Variants in PXK observed in about 807,000 individuals in gnomAD.
The protein encoded by PXK is PX domain-containing protein kinase-like protein.
Under a neutral mutation model 84.7 loss-of-function variants are expected in PXK, and 35 were observed. The ratio of observed to expected loss-of-function variants is 0.41; its 90% confidence interval spans 0.32 to 0.55. The LOEUF (loss-of-function observed/expected upper bound fraction) is 0.55. PXK is among the 20% of genes least tolerant of loss of function. The probability of loss-of-function intolerance (pLI) is 0.21; values close to 1 mark genes in which losing one functional copy is unlikely to be tolerated. For missense variants in PXK, 634 were observed against 699.7 expected (o/e 0.91, Z 1.06); for synonymous variants, 253 against 260.8 (o/e 0.97, Z 0.29).
Position 58,420,621 on chromosome 3 carries a change from T to G in PXK, c.1529-4131T>G, listed in dbSNP as rs2061685515. The G allele has an allele frequency of 3.9e-6, 6 of 1,535,548 alleles. No homozygotes were observed. The South Asian group carries it at 7.1e-5, about 18-fold the overall frequency. ...ACTTTAAAGATGCTCTGTTTCTGTG[T>G]GTGAAATAGGACCCAAAGTGTCTCG... On this transcript the variant is annotated intron_variant, in intron 17 of 17. Coordinates refer to ENST00000356151, the MANE Select transcript of PXK (RefSeq NM_017771.5).
intron 8 of PXK, 82 bp from the exon 9 acceptor site, chr3:58,395,576 G>A: frequency 1.8e-6 from 2 of 1,106,020 alleles, no homozygotes; most frequent in Non-Finnish European, 2.7e-6. Context: ...AGCCTCTGTA[G>A]AATCCTGCCT....
intron 17 of PXK, among the ~76,000 whole-genome samples, chr3:58,418,469 G>T (rs2061328087): frequency 6.6e-6 from 1 of 152,094 alleles, no homozygotes; most frequent in Non-Finnish European, 1.5e-5. Flanking sequence ...CTTTCTTCAG[G>T]GTGCGCTGCA....
At chr3:58,359,209 C>T (rs2098138868) in intron 1 of PXK, among the ~76,000 whole-genome samples, 1 of 152,134 alleles carries the variant, frequency 6.6e-6, no homozygotes, top group South Asian at 2.1e-4. Context: ...AAGTGCCCAA[C>T]ATTGAGCTGG....
chr3:58,332,977 G>T lies in PXK; in HGVS notation c.-12G>T. 1 of 1,354,706 alleles carries T rather than the reference G, an allele frequency of 7.4e-7. No homozygotes were observed. Among genetic ancestry groups the T allele is most frequent in the Non-Finnish European group, 9.6e-7 (1 of 1,040,530 alleles). The allele number at this position is 1,354,706 out of a possible 1,614,324, so 83.9% of individuals were successfully genotyped here. ...CTCGCGTCCCTAGGCGGCGGCGGCC[G>T]GGCGTCCCGGGATGGCCTTCATGGA... On this transcript the variant is annotated 5_prime_UTR_variant, in exon 1 of 18. Coordinates refer to ENST00000356151, the MANE Select transcript of PXK (RefSeq NM_017771.5). The surrounding 1 kb of genome is among the most constrained non-coding windows in gnomAD (Gnocchi z 5.6).
chr3:58,359,572 A>G (rs2098145350), intron 1 of PXK, among the ~76,000 whole-genome samples: 1 of 151,998 alleles, frequency 6.6e-6, no homozygotes, highest in African/African-American at 2.4e-5. Flanking sequence ...CTGATACATG[A>G]AGCAATCGAT....
intron 1 of PXK, among the ~76,000 whole-genome samples, chr3:58,349,855 CT>C (rs2097889986): frequency 6.6e-6 from 1 of 152,216 alleles, no homozygotes; most frequent in Admixed American, 6.5e-5. Context: ...TCACTGCTCT[CT>C]TCAAACTGCT....
intron 2 of PXK, among the ~76,000 whole-genome samples, chr3:58,366,581 A>C (rs1285779503): frequency 2.0e-5 from 3 of 152,184 alleles, no homozygotes; most frequent in East Asian, 1.9e-4. Flanking sequence ...CTTCTCTCCC[A>C]AAAATCTTAC....
Position 58,370,661 on chromosome 3 carries a change from TC to T in PXK, c.201+1185del, listed in dbSNP as rs1181996489. ...GTGCACTAGGAGGAAGCGTAATACT[TC>T]CTTTCCTTCAGAAGGCCACGTTTTG... On this transcript the variant is annotated intron_variant, in intron 3 of 17. Coordinates refer to ENST00000356151, the MANE Select transcript of PXK (RefSeq NM_017771.5). The surrounding 1 kb of genome is among the most constrained non-coding windows in gnomAD (Gnocchi z 4.2). Among the ~76,000 whole-genome samples the T allele has an allele frequency of 6.6e-6, 1 of 152,110 alleles. No homozygotes were observed. Among genetic ancestry groups the T allele is most frequent in the Non-Finnish European group, 1.5e-5 (1 of 68,024 alleles).
chr3:58,377,622 AAAAG>A (rs912100364), intron 3 of PXK, among the ~76,000 whole-genome samples: 8 of 79,752 alleles, frequency 1.0e-4, no homozygotes, highest in South Asian at 6.3e-4. Context: ...AAAAAAAAAG[AAAAG>A]AAAGAAAAGA....
intron 17 of PXK, chr3:58,423,220 A>T (rs1473804707): frequency 2.0e-6 from 2 of 983,384 alleles, no homozygotes; most frequent in Admixed American, 1.2e-4. Flanking sequence ...CCACTTCAAC[A>T]GTTACTTCAG....
chr3:58,420,981 A>C, intron 17 of PXK: 12 of 1,013,124 alleles, frequency 1.2e-5, no homozygotes, highest in Non-Finnish European at 1.4e-5. Flanking sequence ...CAGGGAGACA[A>C]CTTACTGGCT....
At chr3:58,403,051 C>T (rs1175866694) in intron 12 of PXK, among the ~76,000 whole-genome samples, 1 of 150,720 alleles carries the variant, frequency 6.6e-6, no homozygotes, top group African/African-American at 2.5e-5. Flanking sequence ...GTTGCCCAGG[C>T]AGGAGTGCAG....
At chr3:58,371,682 G>T (rs900823055) in intron 3 of PXK, among the ~76,000 whole-genome samples, 1 of 152,082 alleles carries the variant, frequency 6.6e-6, no homozygotes, top group African/African-American at 2.4e-5. Context: ...CTTCACTTAT[G>T]GCCTTTTTAA....
chr3:58,336,067 ATATATT>A (rs1484951619), intron 1 of PXK, among the ~76,000 whole-genome samples: 27 of 59,508 alleles, frequency 4.5e-4, no homozygotes, highest in South Asian at 2.5e-3. Flanking sequence ...ATATATATAT[ATATATT>A]TTTTTTTTTT....
chr3:58,346,995 T>A (rs1050191404), intron 1 of PXK, among the ~76,000 whole-genome samples: 1 of 152,112 alleles, frequency 6.6e-6, no homozygotes, highest in Non-Finnish European at 1.5e-5. Context: ...CGTGCCACCA[T>A]GCCCGGCTAA....
chr3:58,378,977 C>A (rs1054501240), intron 3 of PXK, among the ~76,000 whole-genome samples: 1 of 151,614 alleles, frequency 6.6e-6, no homozygotes, highest in Non-Finnish European at 1.5e-5. Context: ...GGCTGGAGGG[C>A]AGTGGTGCAA....
At chr3:58,339,638 A>G (rs2097692637) in intron 1 of PXK, among the ~76,000 whole-genome samples, 1 of 152,130 alleles carries the variant, frequency 6.6e-6, no homozygotes, top group South Asian at 2.1e-4. Flanking sequence ...TAATAAGAAT[A>G]TAAATCCGAG....
intron 13 of PXK, among the ~76,000 whole-genome samples, chr3:58,406,035 T>C (rs1225473518): frequency 2.0e-5 from 3 of 151,902 alleles, no homozygotes; most frequent in Non-Finnish European, 4.4e-5. Flanking sequence ...AATGGCATGA[T>C]CTCGGCTCAC....
At chr3:58,403,605 A>G (rs759158612) in intron 12 of PXK, among the ~76,000 whole-genome samples, 12 of 152,330 alleles carry the variant, frequency 7.9e-5, no homozygotes, top group Non-Finnish European at 1.5e-4. Context: ...AATATTGCCC[A>G]TAGCAGGGAA....
Sources: allele counts gnomAD v4.1 joint callset (sites outside exome capture counted in the v4.1 genomes callset), GRCh38; gene constraint gnomAD v4.1.1; non-coding constraint Gnocchi (gnomAD v3.1); transcripts MANE v1.5; gene names NCBI Gene and HGNC (gene_info 2026-07-23, HGNC 2026-07-21).